Variants in PPFIA2 observed in about 807,000 individuals in gnomAD.
PPFIA2 encodes the protein liprin-alpha-2.
PPFIA2 carries 46 observed loss-of-function variants against 175.5 expected under a neutral mutation model. The ratio of observed to expected loss-of-function variants is 0.26; its 90% confidence interval spans 0.21 to 0.34. PPFIA2 has a LOEUF of 0.34. Among genes scored for constraint, PPFIA2 ranks in the 10% least tolerant of loss-of-function variants. The probability of loss-of-function intolerance (pLI) is 1.00; values close to 1 mark genes in which losing one functional copy is unlikely to be tolerated. For missense variants in PPFIA2, 1,179 were observed against 1,506.1 expected, an observed-to-expected ratio of 0.78 and a Z score of 3.60; for synonymous variants, 568 against 511.4, an observed-to-expected ratio of 1.11 and a Z score of -1.49.
intron 22 of PPFIA2, among the ~76,000 whole-genome samples, chr12:81,300,377 T>G (rs2047521263): frequency 6.6e-6 from 1 of 152,208 alleles, no homozygotes; most frequent in African/African-American, 2.4e-5. Context: ...TTCATGAAAA[T>G]CATTTATGAA....
chr12:81,433,906 C>G lies in PPFIA2; in HGVS notation c.645+6066G>C, dbSNP rs142137103. ...TACAGGCTGAAGTAATGAGCTTTAGCCATTAATTAATTAGCCTGTTGGCAA... is the reference window on the plus strand; with the variant it reads ...TACAGGCTGAAGTAATGAGCTTTAGGCATTAATTAATTAGCCTGTTGGCAA... On this transcript the variant is annotated intron_variant, in intron 7 of 32. Transcript: ENST00000549396. Among the ~76,000 whole-genome samples the G allele has an allele frequency of 4.7e-4, 71 of 152,082 alleles. No individual in the cohort carries two copies. The East Asian group carries it at 0.013, about 28-fold the overall frequency.
intron 21 of PPFIA2, among the ~76,000 whole-genome samples, chr12:81,331,630 C>T (rs568791211): frequency 2.0e-5 from 3 of 152,220 alleles, no homozygotes; most frequent in East Asian, 1.9e-4. Context: ...GCTTTTCATA[C>T]GCATTTAAAG....
rs757626140 is a variant in PPFIA2 at position 81,437,932 on chromosome 12, C to CT, written c.645+2039dup. On this transcript the variant is annotated intron_variant, in intron 7 of 32. Coordinates refer to ENST00000549396, the MANE Select transcript of PPFIA2 (RefSeq NM_003625.5). Reference sequence around the variant, plus strand: ...ACTGAGAGGTACCAATCTCTTATTTCTTTTTTTTTTTTTTCCCCCAAACCA... The same window carrying CT: ...ACTGAGAGGTACCAATCTCTTATTTCTTTTTTTTTTTTTTTCCCCCAAACCA... Among the ~76,000 whole-genome samples the CT allele has an allele frequency of 5.3e-3, 741 of 139,794 alleles. 8 individuals carry two copies. Among genetic ancestry groups the CT allele is most frequent in the African/African-American group, 0.014 (546 of 38,484 alleles). The allele number at this position is 139,794 out of a possible 152,430, so 91.7% of individuals were successfully genotyped here.
intron 4 of PPFIA2, among the ~76,000 whole-genome samples, chr12:81,620,286 A>G (rs1464521174): frequency 6.6e-6 from 1 of 152,176 alleles, no homozygotes; most frequent in Non-Finnish European, 1.5e-5. Flanking sequence ...GATGTATCAA[A>G]AGTAAAATAT....
chr12:81,518,695 T>C (rs1016113765), intron 4 of PPFIA2, among the ~76,000 whole-genome samples: 2 of 152,220 alleles, frequency 1.3e-5, no homozygotes, highest in African/African-American at 4.8e-5. Context: ...CTTATCATTT[T>C]TTATAATATC....
intron 4 of PPFIA2, among the ~76,000 whole-genome samples, chr12:81,543,427 A>G (rs746129442): frequency 3.9e-5 from 6 of 152,184 alleles, no homozygotes; most frequent in Non-Finnish European, 8.8e-5. Flanking sequence ...GCAGAAATAA[A>G]GTAGTATTGT....
intron 4 of PPFIA2, chr12:81,598,101 T>C: frequency 1.3e-6 from 2 of 1,531,114 alleles, no homozygotes; most frequent in East Asian, 2.4e-5. Context: ...AGCGTACAGA[T>C]AAATCCGTGC....
At chr12:81,560,749 C>A (rs935897503) in intron 4 of PPFIA2, among the ~76,000 whole-genome samples, 3 of 152,112 alleles carry the variant, frequency 2.0e-5, no homozygotes, top group Admixed American at 6.5e-5. Flanking sequence ...TATTTGGAAT[C>A]GCAGAGATGT....
intron 1 of PPFIA2, 93 bp downstream of exon 1, chr12:81,759,176 TCCCCCCCGCCG>T (rs1278672849): frequency 1.2e-3 from 13 of 10,652 alleles, no homozygotes; most frequent in Admixed American, 3.0e-3. Flanking sequence ...CCCCCTTCCC[TCCCCCCCGCCG>T]CCCCCCCGCC....
chr12:81,281,135 C>T lies in PPFIA2; in HGVS notation c.3212+122G>A, dbSNP rs570577640. 3.2e-4 allele frequency: 247 copies of T among 775,662 alleles called. 2 individuals are homozygous for T. In the African/African-American group the frequency reaches 3.2e-3, roughly 10 times the overall value. The allele number at this position is 775,662 out of a possible 1,614,324, so 48.0% of individuals were successfully genotyped here. ...ATTTTTCCAAGTAGATGTATACAAA[C>T]GATGTTTCAAATGACATATATTTTC... On this transcript the variant is annotated intron_variant, in intron 27 of 32. Coordinates refer to ENST00000549396, the MANE Select transcript of PPFIA2 (RefSeq NM_003625.5).
chr12:81,482,472 A>C (rs963551558), intron 4 of PPFIA2, among the ~76,000 whole-genome samples: 2 of 152,236 alleles, frequency 1.3e-5, no homozygotes, highest in Non-Finnish European at 2.9e-5. Flanking sequence ...ACAATAGCAA[A>C]GGCTTGGAAC....
chr12:81,502,918 T>C (rs183357096), intron 4 of PPFIA2, among the ~76,000 whole-genome samples: 1 of 152,112 alleles, frequency 6.6e-6, no homozygotes, highest in Non-Finnish European at 1.5e-5. Flanking sequence ...GCTTCCCTGT[T>C]TGGAATGCCT....
At chr12:81,487,107 G>A (rs2058913423) in intron 4 of PPFIA2, among the ~76,000 whole-genome samples, 1 of 151,898 alleles carries the variant, frequency 6.6e-6, no homozygotes, top group Non-Finnish European at 1.5e-5. Context: ...AGCACAGTGT[G>A]TTAAGCTTTG....
intron 23 of PPFIA2, among the ~76,000 whole-genome samples, chr12:81,298,895 G>C (rs1565992458): frequency 6.6e-6 from 1 of 152,170 alleles, no homozygotes; most frequent in Non-Finnish European, 1.5e-5. Flanking sequence ...GCAAAGGAAT[G>C]TCTCTCTGTA....
chr12:81,530,614 G>T (rs919708204), intron 4 of PPFIA2, among the ~76,000 whole-genome samples: 4 of 151,848 alleles, frequency 2.6e-5, no homozygotes, highest in Admixed American at 2.0e-4. Context: ...AATGTCCACA[G>T]CTATTCAACT....
chr12:81,431,611 AAAT>A (rs2048109631), intron 7 of PPFIA2, among the ~76,000 whole-genome samples: 1 of 152,220 alleles, frequency 6.6e-6, no homozygotes, highest in African/African-American at 2.4e-5. Flanking sequence ...ATGCCACACT[AAAT>A]AATACCTGTG....
chr12:81,680,180 G>T (rs1444952603), intron 3 of PPFIA2, among the ~76,000 whole-genome samples: 2 of 151,682 alleles, frequency 1.3e-5, no homozygotes, highest in Non-Finnish European at 2.9e-5. Flanking sequence ...TTTTAACTAG[G>T]CTACAGAATT....
intron 8 of PPFIA2, among the ~76,000 whole-genome samples, chr12:81,395,112 A>C (rs1409115121): frequency 1.3e-5 from 2 of 152,070 alleles, no homozygotes; most frequent in African/African-American, 4.8e-5. Context: ...AACTCTTAGA[A>C]CTAATAGTTT....
At chr12:81,692,124 A>C (rs1290053292) in intron 3 of PPFIA2, among the ~76,000 whole-genome samples, 1 of 149,828 alleles carries the variant, frequency 6.7e-6, no homozygotes, top group Non-Finnish European at 1.5e-5. Flanking sequence ...ACACACACAC[A>C]CACACACACA....
Sources: allele counts gnomAD v4.1 joint callset (sites outside exome capture counted in the v4.1 genomes callset), GRCh38; gene constraint gnomAD v4.1.1; transcripts MANE v1.5; gene names NCBI Gene and HGNC (gene_info 2026-07-23, HGNC 2026-07-21).